The following ULK4 variants were observed in gnomAD, a reference collection of about 807,000 sequenced individuals.
ULK4 encodes the protein unc-51 like kinase 4, also known as inactive serine/threonine-protein kinase ULK4.
A neutral mutation model predicts 160.6 loss-of-function variants in ULK4; 133 were observed. That is an observed-to-expected ratio of 0.83 (90% CI 0.72 to 0.96). The LOEUF (loss-of-function observed/expected upper bound fraction) is 0.96. Among genes scored for constraint, ULK4 ranks in the 40% least tolerant of loss-of-function variants. The pLI is 0.00. For missense variants in ULK4, 1,580 were observed against 1,499.5 expected (o/e 1.05, Z -0.89); for synonymous variants, 534 against 539.8 (o/e 0.99, Z 0.15).
At chr3:41,305,681 A>C in intron 35 of ULK4, among the ~76,000 whole-genome samples, 1 of 119,020 alleles carries the variant, frequency 8.4e-6, no homozygotes, top group African/African-American at 4.1e-5. Context: ...CTGGCCGCCC[A>C]TCGTCTGGGA....
intron 21 of ULK4, among the ~76,000 whole-genome samples, chr3:41,770,493 G>C (rs569287828): frequency 3.8e-4 from 56 of 149,134 alleles, no homozygotes; most frequent in African/African-American, 1.1e-3. Flanking sequence ...CGTATACATT[G>C]ATTTTATAGA....
At chr3:41,591,685 C>A (rs918708549) in intron 31 of ULK4, among the ~76,000 whole-genome samples, 3 of 152,032 alleles carry the variant, frequency 2.0e-5, no homozygotes, top group African/African-American at 7.2e-5. Flanking sequence ...ATTTCTTTAA[C>A]TGGATAAGGT....
At chr3:41,362,079 A>G (rs549574232) in intron 35 of ULK4, among the ~76,000 whole-genome samples, 5 of 152,318 alleles carry the variant, frequency 3.3e-5, no homozygotes, top group African/African-American at 1.2e-4. Context: ...AAATACCTCA[A>G]TTAACCAGAA....
intron 35 of ULK4, among the ~76,000 whole-genome samples, chr3:41,315,854 T>C (rs74983429): frequency 0.015 from 2,328 of 152,224 alleles, 23 homozygotes; most frequent in Middle Eastern, 0.027. Context: ...TTCCCACCCA[T>C]TGGATGGCCA....
At chr3:41,824,579 G>C (rs1477114398) in intron 18 of ULK4, among the ~76,000 whole-genome samples, 1 of 152,180 alleles carries the variant, frequency 6.6e-6, no homozygotes, top group Non-Finnish European at 1.5e-5. Context: ...TAGCACAGCA[G>C]TCTGAGATCA....
At chr3:41,348,158 G>A (rs1426959621) in intron 35 of ULK4, among the ~76,000 whole-genome samples, 3 of 131,120 alleles carry the variant, frequency 2.3e-5, no homozygotes, top group South Asian at 5.2e-4. Context: ...GCAGTGAGCT[G>A]AGATTACACC....
intron 32 of ULK4, among the ~76,000 whole-genome samples, chr3:41,488,961 T>C (rs1030748819): frequency 6.6e-6 from 1 of 152,112 alleles, no homozygotes; most frequent in East Asian, 1.9e-4. Context: ...GAGAAACTCC[T>C]TCCTTCTCAG....
intron 5 of ULK4, among the ~76,000 whole-genome samples, chr3:41,931,068 T>C (rs969483218): frequency 1.3e-5 from 2 of 152,142 alleles, no homozygotes; most frequent in South Asian, 2.1e-4. Context: ...ATAGCAAAGA[T>C]GTGGAACCAA....
chr3:41,384,317 A>G (rs1029966977), intron 35 of ULK4, among the ~76,000 whole-genome samples: 3 of 150,052 alleles, frequency 2.0e-5, no homozygotes, highest in African/African-American at 4.9e-5. Context: ...TTTCATATGG[A>G]AAAAAAAAAG....
chr3:41,377,045 G>C (rs904859407), intron 35 of ULK4, among the ~76,000 whole-genome samples: 8 of 151,652 alleles, frequency 5.3e-5, no homozygotes, highest in Admixed American at 2.6e-4. Context: ...CAATGGAACA[G>C]AACAGAGCCC....
intron 29 of ULK4, among the ~76,000 whole-genome samples, chr3:41,681,212 C>T (rs2035911198): frequency 6.6e-6 from 1 of 152,118 alleles, no homozygotes; most frequent in Non-Finnish European, 1.5e-5. Flanking sequence ...TGAATCATAA[C>T]CCTCACCCCT....
At chr3:41,659,781 TATTC>T (rs1469992279) in intron 30 of ULK4, among the ~76,000 whole-genome samples, 1 of 151,594 alleles carries the variant, frequency 6.6e-6, no homozygotes. Context: ...TTTATGAGAG[TATTC>T]ATTATTTGCA....
intron 35 of ULK4, among the ~76,000 whole-genome samples, chr3:41,263,584 CATAAT>C (rs1239985144): frequency 2.9e-5 from 4 of 137,362 alleles, no homozygotes; most frequent in South Asian, 2.4e-4. Flanking sequence ...GGAAAATACT[CATAAT>C]ATAAAGTAAA....
At chr3:41,506,997 C>T (rs1255677919) in intron 32 of ULK4, among the ~76,000 whole-genome samples, 1 of 149,356 alleles carries the variant, frequency 6.7e-6, no homozygotes, top group African/African-American at 2.5e-5. Context: ...GTATATTGCA[C>T]ATATATACAC....
intron 22 of ULK4, among the ~76,000 whole-genome samples, chr3:41,745,026 T>C (rs2038371122): frequency 6.6e-6 from 1 of 151,654 alleles, no homozygotes; most frequent in African/African-American, 2.4e-5. Context: ...TAATGTTTTT[T>C]TAAAAAATCC....
At chr3:41,867,425 G>T (rs1433958898) in intron 17 of ULK4, among the ~76,000 whole-genome samples, 2 of 152,202 alleles carry the variant, frequency 1.3e-5, no homozygotes, top group South Asian at 2.1e-4. Context: ...AGGCTGGAGT[G>T]CAGTGACAAG....
At chr3:41,366,335 A>T (rs1395286532) in intron 35 of ULK4, among the ~76,000 whole-genome samples, 1 of 152,210 alleles carries the variant, frequency 6.6e-6, no homozygotes, top group Non-Finnish European at 1.5e-5. Context: ...AATATGAGGG[A>T]AAGTAGGTAA....
intron 17 of ULK4, among the ~76,000 whole-genome samples, chr3:41,843,023 T>C (rs2041973912): frequency 1.3e-5 from 2 of 152,112 alleles, no homozygotes; most frequent in South Asian, 4.1e-4. Context: ...ACACAAAAAA[T>C]TAACTCAAAA....
chr3:41,553,246 G>A (rs796511406), intron 32 of ULK4, among the ~76,000 whole-genome samples: 42 of 152,094 alleles, frequency 2.8e-4, no homozygotes, highest in African/African-American at 1.0e-3. Context: ...AACAAAAATA[G>A]ACAAATGGGA....
Sources: gnomAD v4.1 joint callset for allele counts (sites outside exome capture counted in the v4.1 genomes callset) on GRCh38, gnomAD v4.1.1 for gene constraint, MANE v1.5 for transcripts, NCBI Gene and HGNC (gene_info 2026-07-23, HGNC 2026-07-21) for gene names.